Variants in CCSER1 observed in about 807,000 individuals in gnomAD.
The protein encoded by CCSER1 is coiled-coil serine rich protein 1, also known as serine-rich coiled-coil domain-containing protein 1.
CCSER1 carries 41 observed loss-of-function variants against 82.0 expected under a neutral mutation model. The observed-to-expected ratio is 0.50, with a 90% confidence interval of 0.39 to 0.65. The LOEUF is 0.65. CCSER1 is among the 30% of genes least tolerant of loss of function. The pLI is 0.00. For missense variants in CCSER1, 1,119 were observed against 1,064.2 expected (o/e 1.05, Z -0.72); for synonymous variants, 414 against 383.9 (o/e 1.08, Z -0.92).
chr4:90,250,857 A>G (rs1722257127), intron 1 of CCSER1, among the ~76,000 whole-genome samples: 2 of 152,102 alleles, frequency 1.3e-5, no homozygotes, highest in East Asian at 1.9e-4. Context: ...AATGTCTTCA[A>G]TTTCTTTCAA....
chr4:91,224,400 C>T (rs947577713), intron 10 of CCSER1, among the ~76,000 whole-genome samples: 2 of 152,036 alleles, frequency 1.3e-5, no homozygotes, highest in African/African-American at 4.8e-5. Flanking sequence ...AAAGCAAAAA[C>T]GAAAACATTT....
At chr4:90,268,538 A>G (rs571721971) in intron 1 of CCSER1, among the ~76,000 whole-genome samples, 1 of 152,174 alleles carries the variant, frequency 6.6e-6, no homozygotes, top group Non-Finnish European at 1.5e-5. Flanking sequence ...ATAAAAAAAT[A>G]AAACAGATAC....
chr4:90,156,679 G>A (rs1375848615), intron 1 of CCSER1, among the ~76,000 whole-genome samples: 2 of 151,994 alleles, frequency 1.3e-5, no homozygotes, highest in African/African-American at 2.4e-5. Flanking sequence ...TGTTTTATCC[G>A]AGACTGGGAT....
intron 9 of CCSER1, among the ~76,000 whole-genome samples, chr4:90,933,961 C>T (rs10034346): frequency 0.048 from 7,314 of 151,716 alleles, 476 homozygotes; most frequent in African/African-American, 0.15. Flanking sequence ...TGGCACATAT[C>T]CTTTAGAAGA....
chr4:90,222,874 C>A (rs369687526), intron 1 of CCSER1, among the ~76,000 whole-genome samples: 1 of 152,106 alleles, frequency 6.6e-6, no homozygotes, highest in Non-Finnish European at 1.5e-5. Context: ...GTGCTAATAT[C>A]TTGCAAAATT....
At chr4:90,422,891 A>G (rs1245132260) in intron 4 of CCSER1, among the ~76,000 whole-genome samples, 1 of 152,210 alleles carries the variant, frequency 6.6e-6, no homozygotes, top group African/African-American at 2.4e-5. Flanking sequence ...CCTCAAAATG[A>G]CAGGGTAAAC....
At chr4:90,767,680 AT>A (rs74921265) in intron 7 of CCSER1, among the ~76,000 whole-genome samples, 5 of 151,404 alleles carry the variant, frequency 3.3e-5, no homozygotes, top group Middle Eastern at 6.8e-3. Context: ...AAACAGGGTA[AT>A]TTTTTTTTAA....
intron 10 of CCSER1, among the ~76,000 whole-genome samples, chr4:91,091,352 A>G (rs913164588): frequency 6.6e-6 from 1 of 152,164 alleles, no homozygotes; most frequent in Admixed American, 6.5e-5. Context: ...CCTGGATTAC[A>G]GACTTTGTAC....
rs184526013 is a variant in CCSER1, at chr4:91,400,490, A to G, written c.2218-198082A>G. 1.7e-4 allele frequency among the ~76,000 whole-genome samples: 25 copies of G among 150,224 alleles called. No individual in the cohort carries two copies. In the East Asian group the frequency reaches 4.9e-3, roughly 29 times the overall value. ...CCTTCTTCTTTGCTATTACTTGTAG[A>G]ATACCTAATTTGTCCATATATTATT... On this transcript the variant is annotated intron_variant, in intron 10 of 10. Coordinates refer to ENST00000509176, the MANE Select transcript of CCSER1 (RefSeq NM_001145065.2).
chr4:90,746,488 T>G (rs142489468), intron 7 of CCSER1, among the ~76,000 whole-genome samples: 420 of 152,306 alleles, frequency 2.8e-3, no homozygotes, highest in Non-Finnish European at 4.9e-3. Context: ...TTTCTATAAC[T>G]TATCCTCTTT....
chr4:91,407,749 A>G (rs1232011222), intron 10 of CCSER1, among the ~76,000 whole-genome samples: 2 of 152,178 alleles, frequency 1.3e-5, no homozygotes, highest in African/African-American at 4.8e-5. Context: ...GGGAACTAGT[A>G]GAGTGAGAAC....
At chr4:90,905,093 G>A (rs1725257227) in intron 8 of CCSER1, among the ~76,000 whole-genome samples, 1 of 151,964 alleles carries the variant, frequency 6.6e-6, no homozygotes, top group Admixed American at 6.6e-5. Context: ...CTTATTTTGA[G>A]TCTGGAAAAT....
Position 90,811,464 on chromosome 4 carries a change from C to G in CCSER1, c.2011-4298C>G, listed in dbSNP as rs1475974162. On this transcript the variant is annotated intron_variant, in intron 7 of 10. Transcript: ENST00000509176. ...TTCCTGCTTAGAAAAATCTCTCTGG[C>G]AAATAAGGAAAGTGATAGAGATAAA... is the stretch of plus-strand genomic sequence containing the variant. 2.0e-5 allele frequency among the ~76,000 whole-genome samples: 3 copies of G among 152,012 alleles called. No individual in the cohort carries two copies. In the East Asian group the frequency reaches 5.8e-4, roughly 29 times the overall value.
intron 4 of CCSER1, among the ~76,000 whole-genome samples, chr4:90,461,875 A>T (rs1762972601): frequency 6.6e-6 from 1 of 152,186 alleles, no homozygotes; most frequent in Admixed American, 6.5e-5. Flanking sequence ...CTACACTTTA[A>T]GTTACTGCAA....
intron 1 of CCSER1, among the ~76,000 whole-genome samples, chr4:90,161,347 C>A (rs930509138): frequency 3.3e-5 from 5 of 152,102 alleles, no homozygotes; most frequent in African/African-American, 1.2e-4. Flanking sequence ...TACACATAAT[C>A]ACTTATTATT....
chr4:91,513,311 G>A (rs997946496), intron 10 of CCSER1, among the ~76,000 whole-genome samples: 4 of 152,116 alleles, frequency 2.6e-5, no homozygotes, highest in Non-Finnish European at 5.9e-5. Flanking sequence ...CAGGAATGAA[G>A]CCATGTTATC....
At chr4:90,248,348 C>G (rs1029829276) in intron 1 of CCSER1, among the ~76,000 whole-genome samples, 48 of 152,178 alleles carry the variant, frequency 3.2e-4, no homozygotes, top group African/African-American at 1.1e-3. Flanking sequence ...CTGATGATAA[C>G]TTCACATGCA....
Position 90,358,180 on chromosome 4 carries a change from C to T in CCSER1, c.1510-41856C>T, listed in dbSNP as rs984204878. Among the ~76,000 whole-genome samples the T allele has an allele frequency of 2.6e-5, 4 of 152,014 alleles. No individual in the cohort carries two copies. The East Asian group carries it at 7.7e-4, about 29-fold the overall frequency. On this transcript the variant is annotated intron_variant, in intron 3 of 10. Coordinates refer to ENST00000509176, the MANE Select transcript of CCSER1 (RefSeq NM_001145065.2). ...GAGTAAATAATACATCAAATATTCA[C>T]TTCAATATGGTGATTTTTTTGTTTA...
intron 1 of CCSER1, among the ~76,000 whole-genome samples, chr4:90,246,139 T>C (rs1721358741): frequency 6.6e-6 from 1 of 152,176 alleles, no homozygotes; most frequent in African/African-American, 2.4e-5. Context: ...GCATCTGCAA[T>C]TTTATAGTTA....
Sources: allele counts gnomAD v4.1 joint callset (sites outside exome capture counted in the v4.1 genomes callset), GRCh38; gene constraint gnomAD v4.1.1; transcripts MANE v1.5; gene names NCBI Gene and HGNC (gene_info 2026-07-23, HGNC 2026-07-21).